The following FFAR2 variants were observed in gnomAD, a reference collection of about 807,000 sequenced individuals.
FFAR2 encodes free fatty acid receptor 2.
For missense variants in FFAR2, 421 were observed against 428.9 expected, an observed-to-expected ratio of 0.98 and a Z score of 0.16; for synonymous variants, 193 against 189.9, an observed-to-expected ratio of 1.02 and a Z score of -0.13.
chr19:35,448,960 A>G (rs954589763), intron 1 of FFAR2, among the ~76,000 whole-genome samples: 1 of 146,916 alleles, frequency 6.8e-6, no homozygotes, highest in African/African-American at 2.5e-5. Context: ...CCGCCATATC[A>G]CCCGGCTAAT....
chr19:35,450,432 G>C lies in FFAR2; in HGVS notation c.718G>C (p.Val240Leu), dbSNP rs146776953. The C allele has an allele frequency of 2.5e-6, 4 of 1,614,244 alleles. No homozygotes were observed. The highest frequency in any genetic ancestry group is 1.7e-6 in the Non-Finnish European group (2 of 1,180,036). Residue 240 changes from valine (V) to leucine (L), a missense_variant, in exon 2 of 2, where the codon GTG (valine) becomes CTG (leucine). Val to Leu is a conservative substitution (Grantham distance 32). Coordinates refer to ENST00000599180, the MANE Select transcript of FFAR2 (RefSeq NM_001370087.1). ...NFLVCFGPYNVSHLVGYHQRK... is the reference protein window; with the variant it reads ...NFLVCFGPYNLSHLVGYHQRK... ...CCTGGTGTGCTTCGGACCTTACAACGTGTCCCACCTGGTGGGGTATCACCA... is the reference window on the plus strand; with the variant it reads ...CCTGGTGTGCTTCGGACCTTACAACCTGTCCCACCTGGTGGGGTATCACCA...
chr19:35,449,428 T>C (rs2067365273), intron 1 of FFAR2, among the ~76,000 whole-genome samples: 1 of 152,226 alleles, frequency 6.6e-6, no homozygotes, highest in Non-Finnish European at 1.5e-5. Context: ...GGAGAAAGGC[T>C]AGGGAAACTG....
chr19:35,450,071 C>T lies in FFAR2; in HGVS notation c.357C>T (p.Leu119=), dbSNP rs138686149. 109 of 1,614,092 alleles carry T rather than the reference C, an allele frequency of 6.8e-5. 1 individual carries two copies. The highest frequency in any genetic ancestry group is 4.0e-4 in the Admixed American group (24 of 60,006). The change falls in exon 2 of 2, where the codon CTC becomes CTT. Residue 119 remains leucine, a synonymous_variant. Coordinates refer to ENST00000599180, the MANE Select transcript of FFAR2 (RefSeq NM_001370087.1). ...TGGCTTTCCCCGTGCAGTACAAGCT[C>T]TCCCGCCGGCCTCTGTATGGAGTGA... ...LGVAFPVQYK[L]SRRPLYGVIA...
At chr19:35,449,608 G>T in intron 1 of FFAR2, 106 bp from the exon 2 acceptor site, 1 of 1,228,770 alleles carries the variant, frequency 8.1e-7, no homozygotes, top group Non-Finnish European at 1.1e-6. Flanking sequence ...GCACAGTCCT[G>T]GGAAGGGGAC....
Position 35,450,804 on chromosome 19 carries a change from C to T in FFAR2, c.*97C>T. The T allele has an allele frequency of 7.5e-7, 1 of 1,327,148 alleles. No individual in the cohort carries two copies. The highest frequency in any genetic ancestry group is 2.4e-5 in the East Asian group (1 of 42,124). 82.2% of individuals were successfully genotyped at this position (1,327,148 alleles called of 1,614,324 possible). On this transcript the variant is annotated 3_prime_UTR_variant, in exon 2 of 2. Transcript: ENST00000599180. ...AAGGCTCCCATCCAGATTCAGAAAT[C>T]CTTAGACCCAGCCCAGGACTGCGAC...
At position 35,450,033 on chromosome 19, in the gene FFAR2, C is replaced by T. The variant is rs150111307; in HGVS notation, c.319C>T (p.Arg107Cys). Residue 107 changes from arginine to cysteine, a missense_variant, in exon 2 of 2, where the codon CGC becomes TGC. By Grantham distance (180) the Arg-to-Cys change is radical. Transcript: ENST00000599180. The part of the protein sequence containing the change: ...TWLLAGISIE[R>C]YLGVAFPVQY... ...GCTCCTGGCGGGCATCAGCATCGAG[C>T]GCTACCTGGGAGTGGCTTTCCCCGT... 2.8e-5 allele frequency: 46 copies of T among 1,614,084 alleles called. No homozygotes were observed. The highest frequency in any genetic ancestry group is 2.8e-4 in the Admixed American group (17 of 60,000).
Position 35,449,980 on chromosome 19 carries a change from T to G in FFAR2, c.266T>G (p.Phe89Cys). 6.2e-7 allele frequency: 1 copy of G among 1,614,126 alleles called. No homozygotes were observed. Among genetic ancestry groups the G allele is most frequent in the Admixed American group, 1.7e-5 (1 of 60,022 alleles). ...KVVCALTSFG[F>C]YSSIYCSTWL... is the part of the protein sequence containing the mutation. ...GTCTGCGCCCTCACGAGTTTTGGCT[T>G]CTACAGCAGCATCTACTGCAGCACG... Residue 89 changes from phenylalanine to cysteine, a missense_variant, in exon 2 of 2, where the codon TTC (phenylalanine) becomes TGC (cysteine). Phe to Cys is a radical substitution (Grantham distance 205). Transcript: ENST00000599180.
At position 35,450,784 on chromosome 19, in the gene FFAR2, TC is replaced by T; in HGVS notation, c.*80del. On this transcript the variant is annotated 3_prime_UTR_variant, in exon 2 of 2. Coordinates refer to ENST00000599180, the MANE Select transcript of FFAR2 (RefSeq NM_001370087.1). The stretch of plus-strand genomic sequence containing the variant: ...CCTGGGAGAGGCGGAGCAGGAAGGC[TC>T]CCATCCAGATTCAGAAATCCTTAGA... 1 of 1,451,766 alleles carries T rather than the reference TC, an allele frequency of 6.9e-7. No homozygotes were observed. The highest frequency in any genetic ancestry group is 9.3e-7 in the Non-Finnish European group (1 of 1,079,690). 89.9% of individuals were successfully genotyped at this position (1,451,766 alleles called of 1,614,324 possible). A position where few individuals can be genotyped will look rare whatever the true frequency, so the allele number is the denominator to read the frequency against.
Position 35,451,730 on chromosome 19 carries a change from G to C in FFAR2, c.*1023G>C, listed in dbSNP as rs943711499. ...CCCTCATACAGGGGAAAGCAACCTG[G>C]TCTAGCAAATTGAAAATAAAGATGA... On this transcript the variant is annotated 3_prime_UTR_variant, in exon 2 of 2. Coordinates refer to ENST00000599180, the MANE Select transcript of FFAR2 (RefSeq NM_001370087.1). 1 of 152,190 alleles carries C rather than the reference G, an allele frequency of 6.6e-6. No individual in the cohort carries two copies. Among genetic ancestry groups the C allele is most frequent in the Admixed American group, 6.6e-5 (1 of 15,264 alleles). 9.4% of individuals were successfully genotyped at this position (152,190 alleles called of 1,614,324 possible).
chr19:35,448,969 A>ATT (rs761444547), intron 1 of FFAR2, among the ~76,000 whole-genome samples: 12 of 143,950 alleles, frequency 8.3e-5, no homozygotes, highest in African/African-American at 2.5e-4. Flanking sequence ...CACCCGGCTA[A>ATT]TTTTTTTTTT....
At chr19:35,449,193 G>A (rs2067363941) in intron 1 of FFAR2, among the ~76,000 whole-genome samples, 1 of 152,166 alleles carries the variant, frequency 6.6e-6, no homozygotes, top group Admixed American at 6.6e-5. Context: ...CAAAACAGAC[G>A]AACGGAAGTA....
At position 35,449,879 on chromosome 19, in the gene FFAR2, C is replaced by T. The variant is rs1669983222; in HGVS notation, c.165C>T (p.Asp55=). The change falls in exon 2 of 2, where the codon GAC becomes GAT. Residue 55 remains aspartate, a synonymous_variant. Coordinates refer to ENST00000599180, the MANE Select transcript of FFAR2 (RefSeq NM_001370087.1). The part of the protein sequence containing the change: ...HILLLSLTLA[D]LLLLLLLPFK... ...TCCTGCTGAGCCTGACGCTGGCCGA[C>T]CTCCTCCTGCTGCTGCTGCTGCCCT... The T allele has an allele frequency of 6.2e-7, 1 of 1,613,158 alleles. No homozygotes were observed. The highest frequency in any genetic ancestry group is 8.5e-7 in the Non-Finnish European group (1 of 1,180,002).
Position 35,450,786 on chromosome 19 carries a change from C to G in FFAR2, c.*79C>G. On this transcript the variant is annotated 3_prime_UTR_variant, in exon 2 of 2. Transcript: ENST00000599180. Reference sequence around the variant, plus strand: ...TGGGAGAGGCGGAGCAGGAAGGCTCCCATCCAGATTCAGAAATCCTTAGAC... The same window carrying G: ...TGGGAGAGGCGGAGCAGGAAGGCTCGCATCCAGATTCAGAAATCCTTAGAC... 1 of 1,442,426 alleles carries G rather than the reference C, an allele frequency of 6.9e-7. No homozygotes were observed. The allele number at this position is 1,442,426 out of a possible 1,614,324, so 89.4% of individuals were successfully genotyped here. A position where few individuals can be genotyped will look rare whatever the true frequency, so the allele number is the denominator to read the frequency against.
rs188472737 is a variant in FFAR2, at chr19:35,448,264, T to C, written c.-117T>C. 3 of 152,312 alleles carry C rather than the reference T, an allele frequency of 2.0e-5. No homozygotes were observed. The highest frequency in any genetic ancestry group is 2.0e-4 in the Admixed American group (3 of 15,294). 9.4% of individuals were successfully genotyped at this position (152,312 alleles called of 1,614,324 possible). A position where few individuals can be genotyped will look rare whatever the true frequency, so the allele number is the denominator to read the frequency against. ...CTACCAGCCAGGTTCCTCACCATTT[T>C]TTCCTGCATGGCATGGACAGAAGCA... On this transcript the variant is annotated 5_prime_UTR_variant, in exon 1 of 2. Coordinates refer to ENST00000599180, the MANE Select transcript of FFAR2 (RefSeq NM_001370087.1).
chr19:35,450,315 C>A lies in FFAR2; in HGVS notation c.601C>A (p.Arg201Ser). 2 of 1,614,216 alleles carry A rather than the reference C, an allele frequency of 1.2e-6. No homozygotes were observed. The highest frequency in any genetic ancestry group is 1.7e-6 in the Non-Finnish European group (2 of 1,180,040). ...PMAVTIFCYW[R>S]FVWIMLSQPL... is the part of the protein sequence containing the mutation. ...GGCAGTCACCATCTTCTGCTACTGG[C>A]GTTTTGTGTGGATCATGCTCTCCCA... is the stretch of plus-strand genomic sequence containing the variant. The change falls in exon 2 of 2, where the codon CGT (arginine) becomes AGT (serine). Residue 201 changes from arginine to serine, a missense_variant. By Grantham distance (110) the Arg-to-Ser change is moderately radical. Coordinates refer to ENST00000599180, the MANE Select transcript of FFAR2 (RefSeq NM_001370087.1).
At position 35,448,278 on chromosome 19, in the gene FFAR2, T is replaced by TG. The variant is rs1364149918; in HGVS notation, c.-101dup. On this transcript the variant is annotated 5_prime_UTR_variant, in exon 1 of 2. The change creates a premature stop within an existing upstream ORF in the 5' untranslated region. Transcript: ENST00000599180. Reference sequence around the variant, plus strand: ...CCTCACCATTTTTTCCTGCATGGCATGGACAGAAGCAGGGGCTAAAGCTCT... The same window carrying TG: ...CCTCACCATTTTTTCCTGCATGGCATGGGACAGAAGCAGGGGCTAAAGCTCT... The TG allele has an allele frequency of 3.3e-5, 5 of 152,338 alleles. No homozygotes were observed. Among genetic ancestry groups the TG allele is most frequent in the Admixed American group, 3.3e-4 (5 of 15,294 alleles). The allele number at this position is 152,338 out of a possible 1,614,324, so 9.4% of individuals were successfully genotyped here. A position where few individuals can be genotyped will look rare whatever the true frequency, so the allele number is the denominator to read the frequency against.
chr19:35,448,850 G>C (rs543266591), intron 1 of FFAR2, among the ~76,000 whole-genome samples: 4 of 149,902 alleles, frequency 2.7e-5, no homozygotes, highest in African/African-American at 7.4e-5. Context: ...ACCGCCCAGG[G>C]TGGAGTGCAA....
chr19:35,449,628 G>A (rs779318608), intron 1 of FFAR2, 86 bp from the exon 2 acceptor site: 17 of 1,395,598 alleles, frequency 1.2e-5, no homozygotes, highest in East Asian at 2.3e-5. Flanking sequence ...CGGTGCCGGG[G>A]AGGATGTCCG....
Position 35,449,744 on chromosome 19 carries a change from C to A in FFAR2, c.30C>A (p.Ile10=), listed in dbSNP as rs763237564. 4 of 1,576,056 alleles carry A rather than the reference C, an allele frequency of 2.5e-6. No homozygotes were observed. Among genetic ancestry groups the A allele is most frequent in the Non-Finnish European group, 3.4e-6 (4 of 1,162,110 alleles). MLPDWKSSL[I]LMAYIIIFLT... is the part of the protein sequence containing the mutation. ...TGCCGGACTGGAAGAGCTCCTTGAT[C>A]CTCATGGCTTACATCATCATCTTCC... is the stretch of plus-strand genomic sequence containing the variant. Residue 10 remains isoleucine, a synonymous_variant, in exon 2 of 2, where the codon ATC becomes ATA. Coordinates refer to ENST00000599180, the MANE Select transcript of FFAR2 (RefSeq NM_001370087.1).
Sources: gnomAD v4.1 joint callset for allele counts (sites outside exome capture counted in the v4.1 genomes callset) on GRCh38, gnomAD v4.1.1 for gene constraint, MANE v1.5 for transcripts, NCBI Gene and HGNC (gene_info 2026-07-23, HGNC 2026-07-21) for gene names.